The following PRDM11 variants were observed in gnomAD, a reference collection of about 807,000 sequenced individuals.
The protein encoded by PRDM11 is PR/SET domain 11.
In PRDM11, 20 loss-of-function variants were observed where a neutral mutation model predicts 97.8. The observed-to-expected ratio is 0.20, with a 90% CI of 0.14 to 0.30. The LOEUF (loss-of-function observed/expected upper bound fraction) is 0.30, where lower values mean the gene tolerates loss of function less well. Ranked by LOEUF, PRDM11 falls within the 10% of genes least tolerant of loss-of-function variation. The pLI is 1.00. For missense variants in PRDM11, 1,139 were observed against 1,555.2 expected (o/e 0.73, Z 4.50); for synonymous variants, 599 against 637.7 (o/e 0.94, Z 0.91).
At chr11:45,150,931 G>T (rs1851644096) in intron 1 of PRDM11, among the ~76,000 whole-genome samples, 1 of 152,218 alleles carries the variant, frequency 6.6e-6, no homozygotes, top group African/African-American at 2.4e-5. Context: ...GAGAGACTAT[G>T]GCTACAAAAG....
chr11:45,213,710 G>A (rs1456212711), intron 5 of PRDM11: 1 of 456,478 alleles, frequency 2.2e-6, no homozygotes, highest in East Asian at 7.0e-5. Context: ...GGGGGCTCAG[G>A]ACAGTCAGCT....
rs974925703 is a variant in PRDM11, at chr11:45,180,546, C to G, written c.-6-1215C>G. Among the ~76,000 whole-genome samples the G allele has an allele frequency of 7.2e-5, 11 of 151,768 alleles. No homozygotes were observed. The East Asian group carries it at 1.9e-3, about 27-fold the overall frequency. ...GACCCCCCGCGGCGCCCTCTCCCAC[C>G]GCCCCGCCCGGGCGCCCGCTTCCTC... On this transcript the variant is annotated intron_variant, in intron 1 of 7. Coordinates refer to ENST00000683152, the MANE Select transcript of PRDM11 (RefSeq NM_001384648.1).
chr11:45,165,947 C>T (rs1384405031), intron 1 of PRDM11, among the ~76,000 whole-genome samples: 1 of 152,136 alleles, frequency 6.6e-6, no homozygotes, highest in Non-Finnish European at 1.5e-5. Context: ...AGAGTGTGGG[C>T]TTTGCATTGC....
chr11:45,161,930 G>A (rs1375884648), intron 1 of PRDM11, among the ~76,000 whole-genome samples: 3 of 152,246 alleles, frequency 2.0e-5, no homozygotes, highest in African/African-American at 7.2e-5. Context: ...GTCACCACCG[G>A]CAGGGCTGGG....
chr11:45,124,483 C>T (rs1852518550), intron 1 of PRDM11, among the ~76,000 whole-genome samples: 1 of 152,142 alleles, frequency 6.6e-6, no homozygotes, highest in Non-Finnish European at 1.5e-5. Flanking sequence ...GTGGGTTTGT[C>T]ACAGATAGCT....
intron 5 of PRDM11, chr11:45,215,910 A>C (rs1157894523): frequency 6.6e-6 from 1 of 152,564 alleles, no homozygotes; most frequent in East Asian, 1.9e-4. Flanking sequence ...ATAGTGTCTG[A>C]GCCTGGCCTA....
Position 45,219,876 on chromosome 11 carries a change from T to C in PRDM11, c.742+119T>C. 1 of 1,244,154 alleles carries C rather than the reference T, an allele frequency of 8.0e-7. No individual in the cohort carries two copies. The highest frequency in any genetic ancestry group is 1.1e-6 in the Non-Finnish European group (1 of 919,242). 77.1% of individuals were successfully genotyped at this position (1,244,154 alleles called of 1,614,324 possible). A position where few individuals can be genotyped will look rare whatever the true frequency, so the allele number is the denominator to read the frequency against. On this transcript the variant is annotated intron_variant, in intron 6 of 7. Transcript: ENST00000683152. This position sits in a 1 kb window ranked among gnomAD's most constrained non-coding sequence, Gnocchi z 4.2. ...CCAGCAATGGGAAGACCCAGAGTGA[T>C]TCGGGGGAACAGATGGTTGAGGTCT...
chr11:45,117,581 T>C (rs1320256935), intron 1 of PRDM11, among the ~76,000 whole-genome samples: 1 of 152,050 alleles, frequency 6.6e-6, no homozygotes, highest in Admixed American at 6.5e-5. Context: ...AACCCTCCTC[T>C]ACAAGAAAAA....
At chr11:45,212,929 C>A (rs1320468820) in intron 5 of PRDM11, 1 of 406,720 alleles carries the variant, frequency 2.5e-6, no homozygotes, top group Non-Finnish European at 5.0e-6. Context: ...ACCCTACGGG[C>A]TCCACTCCCC....
intron 4 of PRDM11, among the ~76,000 whole-genome samples, chr11:45,196,384 T>G (rs1193587615): frequency 6.6e-6 from 1 of 152,196 alleles, no homozygotes; most frequent in African/African-American, 2.4e-5. Flanking sequence ...TACGTTCTTC[T>G]GCCAGGTTAA....
chr11:45,204,924 G>A, intron 5 of PRDM11, 146 bp downstream of exon 5: 1 of 811,894 alleles, frequency 1.2e-6, no homozygotes, highest in Non-Finnish European at 2.0e-6. Flanking sequence ...AGCTCTGAAG[G>A]ACCCACCTTT....
chr11:45,199,577 C>T (rs1424516673), intron 4 of PRDM11, among the ~76,000 whole-genome samples: 4 of 152,312 alleles, frequency 2.6e-5, no homozygotes, highest in Non-Finnish European at 4.4e-5. Context: ...CCACAATGCT[C>T]AGAGCTTCTG....
At chr11:45,165,442 C>T (rs1852039120) in intron 1 of PRDM11, among the ~76,000 whole-genome samples, 1 of 152,230 alleles carries the variant, frequency 6.6e-6, no homozygotes. Context: ...ACCCTCATCT[C>T]CTCTGAGGCT....
intron 1 of PRDM11, among the ~76,000 whole-genome samples, chr11:45,129,991 G>A (rs148410323): frequency 2.2e-4 from 34 of 152,254 alleles, no homozygotes; most frequent in African/African-American, 7.7e-4. Flanking sequence ...ATGGTCAACT[G>A]ATTTTTGACA....
intron 7 of PRDM11, 132 bp downstream of exon 7, chr11:45,224,975 C>G: frequency 6.5e-7 from 1 of 1,531,308 alleles, no homozygotes. Flanking sequence ...GCGGCTACCT[C>G]CGTGGGTGGG....
chr11:45,192,785 GTGTC>G (rs1425740756), intron 4 of PRDM11, among the ~76,000 whole-genome samples: 5 of 152,142 alleles, frequency 3.3e-5, no homozygotes, highest in Non-Finnish European at 7.3e-5. Context: ...TAAACACAAA[GTGTC>G]TTGTACTTAT....
chr11:45,119,045 T>A (rs1848297742), intron 1 of PRDM11, among the ~76,000 whole-genome samples: 1 of 152,266 alleles, frequency 6.6e-6, no homozygotes, highest in South Asian at 2.1e-4. Context: ...TGCAATGATT[T>A]ATAACCTAAA....
At chr11:45,157,496 A>G (rs1236137299) in intron 1 of PRDM11, among the ~76,000 whole-genome samples, 2 of 152,056 alleles carry the variant, frequency 1.3e-5, no homozygotes, top group African/African-American at 4.8e-5. Context: ...CAGGTTATGG[A>G]TCAGTACCCA....
chr11:45,151,116 C>T (rs567132469), intron 1 of PRDM11, among the ~76,000 whole-genome samples: 1 of 152,124 alleles, frequency 6.6e-6, no homozygotes, highest in Admixed American at 6.5e-5. Context: ...TGGGGTAACA[C>T]CTACCTAACA....
Sources: allele counts gnomAD v4.1 joint callset (sites outside exome capture counted in the v4.1 genomes callset), GRCh38; gene constraint gnomAD v4.1.1; non-coding constraint Gnocchi (gnomAD v3.1); transcripts MANE v1.5; gene names NCBI Gene and HGNC (gene_info 2026-07-23, HGNC 2026-07-21).